The following SRBD1 variants were observed in gnomAD, a reference collection of about 807,000 sequenced individuals.
SRBD1 encodes the protein S1 RNA binding domain 1.
A neutral mutation model predicts 115.3 loss-of-function variants in SRBD1; 88 were observed. The observed-to-expected ratio is 0.76, with a 90% CI of 0.64 to 0.91. The LOEUF (loss-of-function observed/expected upper bound fraction) is 0.91, where lower values mean the gene tolerates loss of function less well. Among genes scored for constraint, SRBD1 ranks in the 40% least tolerant of loss-of-function variants. The pLI is 0.00. For synonymous variants in SRBD1, 509 were observed against 407.7 expected (o/e 1.25, Z -2.99); for missense variants, 1,385 against 1,177.4 (o/e 1.18, Z -2.58).
chr2:45,433,171 T>C (rs1668390653), intron 16 of SRBD1, among the ~76,000 whole-genome samples: 1 of 152,102 alleles, frequency 6.6e-6, no homozygotes, highest in South Asian at 2.1e-4. Flanking sequence ...AAATACAAAA[T>C]GTAGCTAGAA....
chr2:45,540,878 A>G (rs1013654592), intron 14 of SRBD1, among the ~76,000 whole-genome samples: 1 of 152,278 alleles, frequency 6.6e-6, no homozygotes, highest in Non-Finnish European at 1.5e-5. Context: ...AGCACTGACC[A>G]TAACTTCATA....
intron 14 of SRBD1, among the ~76,000 whole-genome samples, chr2:45,543,789 C>T (rs1003429870): frequency 6.6e-6 from 1 of 152,100 alleles, no homozygotes; most frequent in African/African-American, 2.4e-5. Flanking sequence ...CATTAAAAGA[C>T]TAATACAGTG....
intron 2 of SRBD1, among the ~76,000 whole-genome samples, chr2:45,603,166 C>T (rs1674154144): frequency 1.3e-5 from 2 of 152,214 alleles, no homozygotes; most frequent in Admixed American, 1.3e-4. Context: ...GGATTACTGA[C>T]TAACCCTATT....
Position 45,418,447 on chromosome 2 carries a change from C to G in SRBD1, c.2251G>C (p.Val751Leu). Residue 751 changes from valine (V) to leucine (L), a missense_variant, in exon 18 of 21, where the codon GTG becomes CTG. Physicochemically the swap from Val to Leu is conservative, Grantham distance 32. Transcript: ENST00000263736. ...PFINREQLKKVKGLGPKSFQQ... is the reference protein window; with the variant it reads ...PFINREQLKKLKGLGPKSFQQ... ...AAGGATTTTGGGCCCAGCCCTTTCA[C>G]TTTCTTCAGCTGTTCTCGGTTGATA... is the stretch of plus-strand genomic sequence containing the variant. 1 of 1,613,888 alleles carries G rather than the reference C, an allele frequency of 6.2e-7. No individual in the cohort carries two copies. The highest frequency in any genetic ancestry group is 8.5e-7 in the Non-Finnish European group (1 of 1,179,962).
intron 16 of SRBD1, among the ~76,000 whole-genome samples, chr2:45,426,765 T>C (rs1408815475): frequency 6.6e-6 from 1 of 151,994 alleles, no homozygotes; most frequent in African/African-American, 2.4e-5. Context: ...AGGGGCCTAT[T>C]AGAAGGAAAA....
intron 14 of SRBD1, among the ~76,000 whole-genome samples, chr2:45,496,739 A>G (rs1025912609): frequency 5.3e-5 from 8 of 151,970 alleles, no homozygotes; most frequent in African/African-American, 1.9e-4. Context: ...CACAACCTCT[A>G]CTTTCCTCTG....
chr2:45,413,544 G>T (rs549742659), intron 18 of SRBD1, among the ~76,000 whole-genome samples: 1 of 152,264 alleles, frequency 6.6e-6, no homozygotes, highest in East Asian at 1.9e-4. Context: ...AGAGGAAAAT[G>T]TAGGGAAACA....
At chr2:45,542,134 C>G (rs1232309521) in intron 14 of SRBD1, among the ~76,000 whole-genome samples, 1 of 152,208 alleles carries the variant, frequency 6.6e-6, no homozygotes, top group Admixed American at 6.5e-5. Context: ...TTAGCCATCA[C>G]CCCACCCCAG....
At chr2:45,587,692 A>G (rs551950711) in intron 4 of SRBD1, among the ~76,000 whole-genome samples, 102 of 152,330 alleles carry the variant, frequency 6.7e-4, no homozygotes, top group African/African-American at 2.3e-3. Context: ...GGGGCACATT[A>G]AATCCTGAGG....
intron 9 of SRBD1, among the ~76,000 whole-genome samples, chr2:45,565,144 CAT>C (rs1340360384): frequency 6.6e-6 from 1 of 152,090 alleles, no homozygotes; most frequent in African/African-American, 2.4e-5. Context: ...TTTTAAAACA[CAT>C]ATAGTAATTC....
intron 10 of SRBD1, among the ~76,000 whole-genome samples, chr2:45,555,488 C>CTTTTTT (rs35646522): frequency 1.6e-5 from 2 of 121,386 alleles, no homozygotes; most frequent in Non-Finnish European, 1.7e-5. Context: ...TCATTAAACC[C>CTTTTTT]TTTTTTTTTT....
intron 15 of SRBD1, among the ~76,000 whole-genome samples, chr2:45,484,379 A>G (rs1048395715): frequency 6.6e-6 from 1 of 152,162 alleles, no homozygotes; most frequent in Non-Finnish European, 1.5e-5. Flanking sequence ...TATTCCTAAC[A>G]TCTCTAAAAC....
intron 14 of SRBD1, among the ~76,000 whole-genome samples, chr2:45,531,423 C>G (rs1452745468): frequency 1.3e-5 from 2 of 151,718 alleles, no homozygotes; most frequent in African/African-American, 2.4e-5. Flanking sequence ...TTAAAGATCT[C>G]TACAGGTCAA....
intron 20 of SRBD1, among the ~76,000 whole-genome samples, chr2:45,390,377 T>C (rs994146393): frequency 1.3e-5 from 2 of 152,186 alleles, no homozygotes; most frequent in Non-Finnish European, 2.9e-5. Context: ...CACCCCAGCA[T>C]ACATTTCTTT....
intron 16 of SRBD1, among the ~76,000 whole-genome samples, chr2:45,459,819 C>A (rs1003313288): frequency 2.0e-5 from 3 of 152,084 alleles, no homozygotes; most frequent in Middle Eastern, 3.2e-3. Context: ...ACTTTGGGGT[C>A]CAGGGCTCTG....
intron 11 of SRBD1, among the ~76,000 whole-genome samples, chr2:45,551,841 A>G (rs998493077): frequency 1.3e-5 from 2 of 152,216 alleles, no homozygotes; most frequent in African/African-American, 4.8e-5. Flanking sequence ...AGATCAGCTG[A>G]AAGAAGTATA....
chr2:45,453,074 G>A (rs1220281174), intron 16 of SRBD1, among the ~76,000 whole-genome samples: 1 of 151,820 alleles, frequency 6.6e-6, no homozygotes, highest in African/African-American at 2.4e-5. Context: ...ATAGCAATTT[G>A]TGAAAGAATT....
At chr2:45,454,815 T>C (rs563261413) in intron 16 of SRBD1, among the ~76,000 whole-genome samples, 48 of 152,010 alleles carry the variant, frequency 3.2e-4, no homozygotes, top group African/African-American at 1.1e-3. Context: ...TATAAATTTT[T>C]AAAAAGCACA....
chr2:45,508,993 C>A (rs1558442808), intron 14 of SRBD1, among the ~76,000 whole-genome samples: 1 of 151,932 alleles, frequency 6.6e-6, no homozygotes, highest in Non-Finnish European at 1.5e-5. Context: ...GAGGTGGGGG[C>A]AGGGAGGTGC....
Sources: gnomAD v4.1 joint callset for allele counts (sites outside exome capture counted in the v4.1 genomes callset) on GRCh38, gnomAD v4.1.1 for gene constraint, MANE v1.5 for transcripts, NCBI Gene and HGNC (gene_info 2026-07-23, HGNC 2026-07-21) for gene names.